The following AKT3 variants were observed in gnomAD, a reference collection of about 807,000 sequenced individuals.
AKT3 encodes the protein RAC-gamma serine/threonine-protein kinase.
A neutral mutation model predicts 65.3 loss-of-function variants in AKT3; 15 were observed. The ratio of observed to expected loss-of-function variants is 0.23; its 90% CI spans 0.15 to 0.35. The LOEUF is 0.35. Ranked by LOEUF, AKT3 falls within the 10% of genes least tolerant of loss-of-function variation. The pLI is 1.00. For synonymous variants in AKT3, 206 were observed against 183.8 expected, an observed-to-expected ratio of 1.12 and a Z score of -0.98; for missense variants, 243 against 576.5, an observed-to-expected ratio of 0.42 and a Z score of 5.92.
chr1:243,628,173 C>G (rs1298277546), intron 6 of AKT3, among the ~76,000 whole-genome samples: 1 of 152,114 alleles, frequency 6.6e-6, no homozygotes, highest in Non-Finnish European at 1.5e-5. Context: ...AATCCTAAAA[C>G]CTAAAATATC....
chr1:243,636,712 G>A (rs998965732), intron 6 of AKT3, among the ~76,000 whole-genome samples: 2 of 152,038 alleles, frequency 1.3e-5, no homozygotes, highest in African/African-American at 4.8e-5. Flanking sequence ...ATGCCCCTAA[G>A]AGACCAGTAC....
At chr1:243,763,325 G>A (rs904951722) in intron 2 of AKT3, among the ~76,000 whole-genome samples, 3 of 151,984 alleles carry the variant, frequency 2.0e-5, no homozygotes, top group African/African-American at 7.2e-5. Context: ...AGAGAATCCT[G>A]CTGTCTTTAA....
At chr1:243,644,115 G>A (rs1042938588) in intron 5 of AKT3, among the ~76,000 whole-genome samples, 12 of 152,092 alleles carry the variant, frequency 7.9e-5, no homozygotes, top group African/African-American at 1.4e-4. Flanking sequence ...ACTGTAACAC[G>A]TCAATATACA....
intron 2 of AKT3, among the ~76,000 whole-genome samples, chr1:243,749,014 A>G (rs1688643035): frequency 6.6e-6 from 1 of 152,104 alleles, no homozygotes; most frequent in South Asian, 2.1e-4. Flanking sequence ...CTAATATTAT[A>G]ATTTCCTCAG....
At chr1:243,796,166 T>C (rs932583935) in intron 2 of AKT3, among the ~76,000 whole-genome samples, 11 of 152,236 alleles carry the variant, frequency 7.2e-5, no homozygotes, top group Non-Finnish European at 1.5e-4. Flanking sequence ...GAAAGAGGTA[T>C]AGCAGCTTCT....
chr1:243,538,775 T>A (rs989891373), intron 12 of AKT3, among the ~76,000 whole-genome samples: 1 of 151,766 alleles, frequency 6.6e-6, no homozygotes, highest in African/African-American at 2.4e-5. Context: ...GCAAGAGGAT[T>A]GCTTGAGCCC....
intron 2 of AKT3, among the ~76,000 whole-genome samples, chr1:243,837,508 A>G (rs1347781232): frequency 6.6e-6 from 1 of 152,244 alleles, no homozygotes; most frequent in Non-Finnish European, 1.5e-5. Context: ...TACTCTTGTA[A>G]ATGCAAAAAA....
chr1:243,786,293 T>C (rs1417511593), intron 2 of AKT3, among the ~76,000 whole-genome samples: 5 of 152,228 alleles, frequency 3.3e-5, no homozygotes, highest in Admixed American at 6.5e-5. Flanking sequence ...ATTATAGATA[T>C]ACACAAATCC....
At chr1:243,571,633 A>G (rs934962098) in intron 9 of AKT3, among the ~76,000 whole-genome samples, 4 of 152,190 alleles carry the variant, frequency 2.6e-5, no homozygotes, top group Non-Finnish European at 4.4e-5. Flanking sequence ...AACTACTTCT[A>G]AGTATATTTG....
intron 2 of AKT3, among the ~76,000 whole-genome samples, chr1:243,798,363 G>A (rs1692163269): frequency 6.7e-6 from 1 of 148,314 alleles, no homozygotes; most frequent in Non-Finnish European, 1.5e-5. Flanking sequence ...GGGACTACAG[G>A]CATGCACCAC....
intron 8 of AKT3, among the ~76,000 whole-genome samples, chr1:243,613,188 TAC>T (rs3077730): frequency 0.93 from 136,172 of 146,542 alleles, 64,038 homozygotes; most frequent in Non-Finnish European, 1. Context: ...CATATATACA[TAC>T]ACACACACAC....
At chr1:243,590,965 C>T (rs1225428925) in intron 8 of AKT3, among the ~76,000 whole-genome samples, 1 of 152,120 alleles carries the variant, frequency 6.6e-6, no homozygotes, top group Admixed American at 6.6e-5. Flanking sequence ...TACCTAGAAA[C>T]AATGTCCAGG....
chr1:243,560,968 T>G (rs1457654142), intron 10 of AKT3, among the ~76,000 whole-genome samples: 14 of 152,096 alleles, frequency 9.2e-5, no homozygotes, highest in African/African-American at 3.1e-4. Flanking sequence ...AATAATTTTT[T>G]GTGACATTTA....
chr1:243,674,943 C>T (rs1683400215), intron 3 of AKT3, among the ~76,000 whole-genome samples: 1 of 152,100 alleles, frequency 6.6e-6, no homozygotes, highest in South Asian at 2.1e-4. Flanking sequence ...GAACATAGTA[C>T]TCAATAGGTA....
chr1:243,731,630 AG>A (rs1687577325), intron 2 of AKT3, among the ~76,000 whole-genome samples: 1 of 152,186 alleles, frequency 6.6e-6, no homozygotes, highest in Non-Finnish European at 1.5e-5. Flanking sequence ...AGAAGGCACT[AG>A]AAGTGACGCA....
At chr1:243,832,126 A>C in intron 2 of AKT3, among the ~76,000 whole-genome samples, 1 of 9,174 alleles carries the variant, frequency 1.1e-4, no homozygotes, top group Non-Finnish European at 3.3e-4. Context: ...AAACTAAAAA[A>C]AAAAAAAAAA....
At chr1:243,701,968 C>T (rs1685491881) in intron 2 of AKT3, among the ~76,000 whole-genome samples, 1 of 151,698 alleles carries the variant, frequency 6.6e-6, no homozygotes, top group Non-Finnish European at 1.5e-5. Context: ...AAGTTTTTAC[C>T]ATGTATGATT....
intron 8 of AKT3, among the ~76,000 whole-genome samples, chr1:243,591,447 A>C (rs1465959803): frequency 6.6e-6 from 1 of 152,234 alleles, no homozygotes; most frequent in Non-Finnish European, 1.5e-5. Flanking sequence ...ATAATGCCTA[A>C]ATATATTTTT....
chr1:243,795,495 G>A (rs529630387), intron 2 of AKT3, among the ~76,000 whole-genome samples: 5 of 101,198 alleles, frequency 4.9e-5, no homozygotes, highest in East Asian at 5.9e-4. Flanking sequence ...TTTTTGAGAC[G>A]GAGTCTCGCT....
Sources: gnomAD v4.1 joint callset for allele counts (sites outside exome capture counted in the v4.1 genomes callset) on GRCh38, gnomAD v4.1.1 for gene constraint, MANE v1.5 for transcripts, NCBI Gene and HGNC (gene_info 2026-07-23, HGNC 2026-07-21) for gene names.